Variants in SORT1 observed in about 807,000 individuals in gnomAD.
SORT1 encodes the protein sortilin 1.
SORT1 carries 39 observed loss-of-function variants against 101.7 expected under a neutral mutation model. The observed-to-expected ratio is 0.38, with a 90% CI of 0.30 to 0.50. The LOEUF (loss-of-function observed/expected upper bound fraction) is 0.50. Ranked by LOEUF, SORT1 falls within the 20% of genes least tolerant of loss-of-function variation. The probability of loss-of-function intolerance (pLI) is 0.90; values close to 1 mark genes in which losing one functional copy is unlikely to be tolerated. For missense variants in SORT1, 878 were observed against 1,040.4 expected (o/e 0.84, Z 2.15); for synonymous variants, 396 against 393.7 (o/e 1.01, Z -0.07).
At chr1:109,389,089 G>A (rs1652749129) in intron 1 of SORT1, among the ~76,000 whole-genome samples, 1 of 152,170 alleles carries the variant, frequency 6.6e-6, no homozygotes, top group Non-Finnish European at 1.5e-5. Context: ...TAATACACAT[G>A]CTCCTCAGGG....
intron 3 of SORT1, among the ~76,000 whole-genome samples, chr1:109,358,840 G>C (rs1963869): frequency 0.65 from 97,437 of 149,684 alleles, 33,428 homozygotes; most frequent in East Asian, 0.96. Flanking sequence ...GCGACAGAGT[G>C]AGACTCCGTC....
At chr1:109,367,379 A>G in intron 3 of SORT1, 29 bp downstream of exon 3, 1 of 1,305,662 alleles carries the variant, frequency 7.7e-7, no homozygotes, top group Non-Finnish European at 1.1e-6. Flanking sequence ...TACTTAGTGA[A>G]ATGCTCCAAC....
At chr1:109,368,106 T>C (rs1651212521) in intron 2 of SORT1, among the ~76,000 whole-genome samples, 1 of 151,798 alleles carries the variant, frequency 6.6e-6, no homozygotes, top group Admixed American at 6.6e-5. Flanking sequence ...CTAGCCTGGC[T>C]AACATGGTGA....
At chr1:109,329,167 T>C (rs1266679766) in intron 11 of SORT1, among the ~76,000 whole-genome samples, 1 of 152,152 alleles carries the variant, frequency 6.6e-6, no homozygotes, top group Non-Finnish European at 1.5e-5. Flanking sequence ...AAGGCCTATG[T>C]GTGTAAGAGG....
intron 15 of SORT1, among the ~76,000 whole-genome samples, chr1:109,319,971 C>T (rs1436527736): frequency 6.6e-6 from 1 of 152,170 alleles, no homozygotes; most frequent in African/African-American, 2.4e-5. Context: ...TTCCCCCAGA[C>T]CACCCATTCT....
At chr1:109,395,601 TGAAA>T (rs899848702) in intron 1 of SORT1, among the ~76,000 whole-genome samples, 1 of 152,126 alleles carries the variant, frequency 6.6e-6, no homozygotes, top group Non-Finnish European at 1.5e-5. Context: ...AACAGCTAAA[TGAAA>T]GAAATAGAAG....
chr1:109,320,109 T>C (rs1331808288), intron 15 of SORT1, among the ~76,000 whole-genome samples: 1 of 152,084 alleles, frequency 6.6e-6, no homozygotes, highest in Non-Finnish European at 1.5e-5. Flanking sequence ...ATAAATGTAG[T>C]CTTTTGCCGG....
At chr1:109,335,899 C>T (rs1438048822) in intron 11 of SORT1, among the ~76,000 whole-genome samples, 2 of 152,332 alleles carry the variant, frequency 1.3e-5, no homozygotes, top group Admixed American at 6.5e-5. Flanking sequence ...GGTGGAGCTG[C>T]GGCTTCTTGC....
In SORT1 at chr1:109,364,316, G is replaced by C. The variant is rs950318271; in HGVS notation, c.440+3092C>G. ...GGTTTTGATTGTCTTAAGTTGTTGA[G>C]GCATTAGGTATAGAAGATAACTCAA... On this transcript the variant is annotated intron_variant, in intron 3 of 19. Transcript: ENST00000256637. Among the ~76,000 whole-genome samples the C allele has an allele frequency of 2.0e-5, 3 of 152,254 alleles. No individual in the cohort carries two copies. In the South Asian group the frequency reaches 6.2e-4, roughly 32 times the overall value.
intron 5 of SORT1, among the ~76,000 whole-genome samples, chr1:109,352,905 T>C (rs769895538): frequency 6.6e-6 from 1 of 152,206 alleles, no homozygotes; most frequent in South Asian, 2.1e-4. Flanking sequence ...ATGGGTCTGT[T>C]CACTCCTTGC....
intron 1 of SORT1, among the ~76,000 whole-genome samples, chr1:109,391,224 T>C (rs533692056): frequency 6.6e-6 from 1 of 152,306 alleles, no homozygotes; most frequent in East Asian, 1.9e-4. Context: ...AAAGTACTCC[T>C]GCTATCTTTA....
At chr1:109,367,557 C>A in intron 2 of SORT1, 76 bp from the exon 3 acceptor site, 1 of 924,666 alleles carries the variant, frequency 1.1e-6, no homozygotes, top group Non-Finnish European at 1.7e-6. Flanking sequence ...GAGATTAAGC[C>A]AACACCTAAA....
chr1:109,380,203 G>A (rs1006858252), intron 1 of SORT1, among the ~76,000 whole-genome samples: 1 of 152,152 alleles, frequency 6.6e-6, no homozygotes, highest in African/African-American at 2.4e-5. Context: ...TGAGGTGGGA[G>A]GATTGCTTGA....
At chr1:109,392,921 TA>T in intron 1 of SORT1, 2 of 985,232 alleles carry the variant, frequency 2.0e-6, no homozygotes, top group Non-Finnish European at 2.4e-6. Context: ...AAGAGACTAT[TA>T]AATAAGCTAG....
Position 109,313,470 on chromosome 1 carries a change from A to G in SORT1, c.*573T>C, listed in dbSNP as rs929535332. Reference sequence around the variant, plus strand: ...CTGTGGTCTGTGGTCTCTGAAAAAAAAAAAAAGAGTAAGTGGGATCTGTGT... The same window carrying G: ...CTGTGGTCTGTGGTCTCTGAAAAAAGAAAAAAGAGTAAGTGGGATCTGTGT... On this transcript the variant is annotated 3_prime_UTR_variant, in exon 20 of 20. Coordinates refer to ENST00000256637, the MANE Select transcript of SORT1 (RefSeq NM_002959.7). The G allele has an allele frequency of 5.2e-5, 8 of 153,056 alleles. No individual in the cohort carries two copies. Among genetic ancestry groups the G allele is most frequent in the African/African-American group, 1.7e-4 (7 of 41,454 alleles). The allele number at this position is 153,056 out of a possible 1,614,324, so 9.5% of individuals were successfully genotyped here.
intron 13 of SORT1, 83 bp downstream of exon 13, chr1:109,326,909 G>A: frequency 1.8e-6 from 2 of 1,082,534 alleles, no homozygotes; most frequent in Non-Finnish European, 2.6e-6. Flanking sequence ...ATTATAGTCT[G>A]TAACATCCCC....
intron 15 of SORT1, 38 bp from the exon 16 acceptor site, chr1:109,318,007 C>G: frequency 1.5e-6 from 2 of 1,326,482 alleles, no homozygotes; most frequent in Non-Finnish European, 2.2e-6. Context: ...TTCAAAGCAG[C>G]TGGAAGACCG....
At chr1:109,397,075 C>G (rs183876480) in intron 1 of SORT1, 1 of 152,316 alleles carries the variant, frequency 6.6e-6, no homozygotes, top group South Asian at 2.1e-4. Context: ...TAAAAGAGAT[C>G]ACATAAATAT....
At chr1:109,323,209 G>T in intron 14 of SORT1, 88 bp from the exon 15 acceptor site, 1 of 895,464 alleles carries the variant, frequency 1.1e-6, no homozygotes, top group Non-Finnish European at 1.8e-6. Flanking sequence ...AGAACAAGGA[G>T]AGGGAAAGTG....
Sources: gnomAD v4.1 joint callset for allele counts (sites outside exome capture counted in the v4.1 genomes callset) on GRCh38, gnomAD v4.1.1 for gene constraint, MANE v1.5 for transcripts, NCBI Gene and HGNC (gene_info 2026-07-23, HGNC 2026-07-21) for gene names.